Variants in PTPRZ1 observed in about 807,000 individuals in gnomAD.
PTPRZ1 encodes receptor-type tyrosine-protein phosphatase zeta.
Under a neutral mutation model 214.1 loss-of-function variants are expected in PTPRZ1, and 82 were observed. The observed-to-expected ratio is 0.38, with a 90% CI of 0.32 to 0.46. PTPRZ1 has a LOEUF of 0.46. PTPRZ1 is among the 20% of genes least tolerant of loss of function. The pLI is 1.00. For synonymous variants in PTPRZ1, 945 were observed against 987.9 expected (o/e 0.96, Z 0.81); for missense variants, 2,603 against 2,748.7 (o/e 0.95, Z 1.19).
chr7:122,022,199 C>T (rs1799037705), intron 13 of PTPRZ1, among the ~76,000 whole-genome samples: 1 of 152,138 alleles, frequency 6.6e-6, no homozygotes, highest in African/African-American at 2.4e-5. Flanking sequence ...ATTGAAATAT[C>T]ATAAAACTCA....
intron 23 of PTPRZ1, among the ~76,000 whole-genome samples, chr7:122,048,254 A>T (rs1470280757): frequency 6.6e-6 from 1 of 152,152 alleles, no homozygotes; most frequent in African/African-American, 2.4e-5. Flanking sequence ...TTAAATAAAG[A>T]TTTAACAAAA....
chr7:122,059,089 C>A, intron 28 of PTPRZ1, 147 bp downstream of exon 28: 2 of 757,368 alleles, frequency 2.6e-6, no homozygotes, highest in Non-Finnish European at 3.7e-6. Context: ...ATAAAGTTAA[C>A]ACAGAACATT....
chr7:121,918,978 C>T (rs559819286), intron 1 of PTPRZ1, among the ~76,000 whole-genome samples: 1 of 151,974 alleles, frequency 6.6e-6, no homozygotes, highest in South Asian at 2.1e-4. Context: ...AGTTATTCAA[C>T]ATTTTTTCAA....
intron 1 of PTPRZ1, among the ~76,000 whole-genome samples, chr7:121,887,381 T>G (rs1264782703): frequency 6.6e-6 from 1 of 152,098 alleles, no homozygotes; most frequent in East Asian, 1.9e-4. Context: ...TTTGGCAGAG[T>G]AAGCAACTCG....
At chr7:122,051,073 T>C (rs1169001225) in intron 23 of PTPRZ1, among the ~76,000 whole-genome samples, 2 of 152,144 alleles carry the variant, frequency 1.3e-5, no homozygotes, top group Non-Finnish European at 2.9e-5. Flanking sequence ...CATATATATG[T>C]ATATACACAC....
At chr7:122,008,497 A>G (rs189235644) in intron 11 of PTPRZ1, among the ~76,000 whole-genome samples, 2 of 152,142 alleles carry the variant, frequency 1.3e-5, no homozygotes, top group African/African-American at 2.4e-5. Flanking sequence ...AGTGCGAATT[A>G]GCTTTAGAAA....
Position 122,011,028 on chromosome 7 carries a change from C to A in PTPRZ1, c.1982C>A (p.Thr661Lys). 46 of 1,614,118 alleles carry A rather than the reference C, an allele frequency of 2.8e-5. No homozygotes were observed. Among genetic ancestry groups the A allele is most frequent in the Non-Finnish European group, 3.9e-5 (46 of 1,180,012 alleles). ...TGGTTTCCTAGCTCTACAGACATAA[C>A]AGCACAGCCCGATGTTGGATCAGGC... ...NVWFPSSTDI[T>K]AQPDVGSGRE... Residue 661 changes from threonine to lysine, a missense_variant, in exon 12 of 30, where the codon ACA becomes AAA. Coordinates refer to ENST00000393386, the MANE Select transcript of PTPRZ1 (RefSeq NM_002851.3).
chr7:121,910,319 A>G (rs765450723), intron 1 of PTPRZ1, among the ~76,000 whole-genome samples: 29 of 152,142 alleles, frequency 1.9e-4, no homozygotes, highest in Admixed American at 4.6e-4. Flanking sequence ...ATTCCGCTCT[A>G]ATGCTTTTCT....
chr7:121,946,966 G>A (rs972389554), intron 2 of PTPRZ1, among the ~76,000 whole-genome samples: 1 of 152,076 alleles, frequency 6.6e-6, no homozygotes, highest in Non-Finnish European at 1.5e-5. Flanking sequence ...CAGATTGAAC[G>A]AGAGAGGACA....
chr7:122,055,231 G>C, intron 27 of PTPRZ1, 144 bp downstream of exon 27: 1 of 612,078 alleles, frequency 1.6e-6, no homozygotes, highest in Non-Finnish European at 2.5e-6. Context: ...AAATTACCTT[G>C]TCACTTTCAT....
intron 15 of PTPRZ1, 145 bp downstream of exon 15, chr7:122,031,704 TAGG>T: frequency 1.8e-6 from 1 of 541,930 alleles, no homozygotes; most frequent in Non-Finnish European, 3.2e-6. Flanking sequence ...CATATGTGTT[TAGG>T]AGATGTGTTA....
chr7:122,000,821 A>T (rs1000405178), intron 10 of PTPRZ1, among the ~76,000 whole-genome samples: 1 of 150,242 alleles, frequency 6.7e-6, no homozygotes, highest in Non-Finnish European at 1.5e-5. Context: ...TGAGTAGCTG[A>T]GATTACAGGC....
intron 2 of PTPRZ1, among the ~76,000 whole-genome samples, chr7:121,963,625 C>A (rs1310668935): frequency 6.6e-6 from 1 of 152,052 alleles, no homozygotes; most frequent in Non-Finnish European, 1.5e-5. Context: ...GTGGTTTTTA[C>A]TATTATAATG....
At chr7:121,943,882 G>T (rs1430919915) in intron 2 of PTPRZ1, among the ~76,000 whole-genome samples, 1 of 152,068 alleles carries the variant, frequency 6.6e-6, no homozygotes, top group Non-Finnish European at 1.5e-5. Context: ...TCTTAATTTG[G>T]GGAATGAATG....
At chr7:121,924,766 T>A (rs1795707834) in intron 1 of PTPRZ1, among the ~76,000 whole-genome samples, 1 of 152,226 alleles carries the variant, frequency 6.6e-6, no homozygotes, top group Admixed American at 6.5e-5. Context: ...AACAAAAATG[T>A]CTTACATTTC....
rs566524155 is a variant in PTPRZ1 at position 122,012,295 on chromosome 7, G to C, written c.3249G>C (p.Ala1083=). The C allele has an allele frequency of 6.2e-7, 1 of 1,614,118 alleles. No individual in the cohort carries two copies. Among genetic ancestry groups the C allele is most frequent in the Non-Finnish European group, 8.5e-7 (1 of 1,180,018 alleles). The change falls in exon 12 of 30, where the codon GCG becomes GCC. Residue 1083 remains alanine, a synonymous_variant. Transcript: ENST00000393386. The part of the protein sequence containing the change: ...NMYDNVNKLN[A]SLQETSVSIS... Reference sequence around the variant, plus strand: ...ATGATAATGTAAATAAGTTGAATGCGTCTTTACAAGAAACCTCTGTTTCCA... The same window carrying C: ...ATGATAATGTAAATAAGTTGAATGCCTCTTTACAAGAAACCTCTGTTTCCA...
At chr7:122,007,385 G>A (rs1375133509) in intron 11 of PTPRZ1, among the ~76,000 whole-genome samples, 3 of 152,100 alleles carry the variant, frequency 2.0e-5, no homozygotes, top group Non-Finnish European at 2.9e-5. Flanking sequence ...AAGGATACAG[G>A]AGCAGTGATT....
At chr7:121,964,928 G>A (rs1445713291) in intron 2 of PTPRZ1, among the ~76,000 whole-genome samples, 1 of 152,170 alleles carries the variant, frequency 6.6e-6, no homozygotes, top group South Asian at 2.1e-4. Context: ...AAGCAGAATG[G>A]TAGAGAACCG....
chr7:122,041,089 G>A (rs1799717988), intron 21 of PTPRZ1, 110 bp downstream of exon 21: 2 of 1,019,132 alleles, frequency 2.0e-6, no homozygotes, highest in South Asian at 3.1e-5. Context: ...TGAAATGAGG[G>A]TGATGAAATT....
Sources: gnomAD v4.1 joint callset for allele counts (sites outside exome capture counted in the v4.1 genomes callset) on GRCh38, gnomAD v4.1.1 for gene constraint, MANE v1.5 for transcripts, NCBI Gene and HGNC (gene_info 2026-07-23, HGNC 2026-07-21) for gene names.